Variants in CENPP observed in about 807,000 individuals in gnomAD.
The protein encoded by CENPP is centromere protein P.
CENPP carries 24 observed loss-of-function variants against 35.6 expected under a neutral mutation model. That is an observed-to-expected ratio of 0.67 (90% CI 0.49 to 0.95). The LOEUF (loss-of-function observed/expected upper bound fraction) is 0.95. Among genes scored for constraint, CENPP ranks in the 40% least tolerant of loss-of-function variants. CENPP has a pLI of 0.00. For synonymous variants in CENPP, 120 were observed against 125.5 expected (o/e 0.96, Z 0.29); for missense variants, 332 against 345.3 (o/e 0.96, Z 0.31).
At chr9:92,549,656 AAAC>A (rs1446150353) in intron 5 of CENPP, among the ~76,000 whole-genome samples, 1 of 144,298 alleles carries the variant, frequency 6.9e-6, no homozygotes, top group Non-Finnish European at 1.5e-5. Context: ...CAAAAAAAAA[AAAC>A]AAAACAAAAC....
At chr9:92,493,752 C>T (rs978272943) in intron 5 of CENPP, 1 of 169,942 alleles carries the variant, frequency 5.9e-6, no homozygotes, top group Non-Finnish European at 1.3e-5. Flanking sequence ...GAACAAGTTC[C>T]ATGCTAGCCA....
At chr9:92,400,119 C>G (rs535101307) in intron 5 of CENPP, among the ~76,000 whole-genome samples, 6 of 152,156 alleles carry the variant, frequency 3.9e-5, no homozygotes, top group Middle Eastern at 3.4e-3. Context: ...GTCATTCCAT[C>G]CAAGAACAAG....
chr9:92,615,940 G>C lies in CENPP; in HGVS notation c.*2791G>C. The C allele has an allele frequency of 6.2e-7, 1 of 1,614,136 alleles. No homozygotes were observed. Among genetic ancestry groups the C allele is most frequent in the Non-Finnish European group, 8.5e-7 (1 of 1,179,982 alleles). On this transcript the variant is annotated 3_prime_UTR_variant, in exon 8 of 8. Transcript: ENST00000375587. ...TCTTTGAATAATAGTTGACGATCTT[G>C]CCGTCCAGTTTATACTGATGGGGAA...
At chr9:92,567,374 A>ATATATATATATC (rs1850004795) in intron 5 of CENPP, among the ~76,000 whole-genome samples, 3 of 22,150 alleles carry the variant, frequency 1.4e-4, no homozygotes, top group Non-Finnish European at 2.9e-4. Context: ...CATAAGATAG[A>ATATATATATATC]TATATATATA....
chr9:92,382,690 T>G (rs1188330867), intron 5 of CENPP, among the ~76,000 whole-genome samples: 2 of 152,074 alleles, frequency 1.3e-5, no homozygotes, highest in African/African-American at 4.8e-5. Context: ...TTACATAAGG[T>G]AGGTGTCCAA....
intron 5 of CENPP, among the ~76,000 whole-genome samples, chr9:92,562,547 T>C (rs1459662378): frequency 1.3e-5 from 2 of 152,084 alleles, no homozygotes; most frequent in Non-Finnish European, 2.9e-5. Flanking sequence ...AGAGATTTCA[T>C]AGGTTGTTTC....
intron 5 of CENPP, among the ~76,000 whole-genome samples, chr9:92,597,065 C>G (rs531820983): frequency 6.6e-6 from 1 of 152,186 alleles, no homozygotes; most frequent in East Asian, 1.9e-4. Context: ...TATACTGCAA[C>G]TATATTTGAG....
intron 5 of CENPP, among the ~76,000 whole-genome samples, chr9:92,587,750 G>T (rs1850574921): frequency 6.6e-6 from 1 of 152,212 alleles, no homozygotes; most frequent in African/African-American, 2.4e-5. Context: ...ATTTTGAAAT[G>T]ATCAGAATGT....
intron 5 of CENPP, chr9:92,390,135 C>T: frequency 1.2e-6 from 1 of 805,128 alleles, no homozygotes; most frequent in Non-Finnish European, 2.0e-6. Context: ...ATTTGTTTAA[C>T]AGATCACTCA....
intron 5 of CENPP, among the ~76,000 whole-genome samples, chr9:92,531,478 A>C (rs1848746358): frequency 1.3e-5 from 2 of 152,124 alleles, no homozygotes; most frequent in Admixed American, 6.6e-5. Flanking sequence ...TATTTTGTCA[A>C]AGTTTATTTA....
chr9:92,467,115 A>C (rs942198046), intron 5 of CENPP, among the ~76,000 whole-genome samples: 15 of 152,206 alleles, frequency 9.9e-5, no homozygotes, highest in African/African-American at 3.6e-4. Flanking sequence ...GGGATATAGT[A>C]ATGGATCCTG....
intron 5 of CENPP, chr9:92,515,336 C>T: frequency 8.3e-7 from 1 of 1,204,284 alleles, no homozygotes; most frequent in South Asian, 3.3e-5. Context: ...ATGAAATGCA[C>T]CTTGAAATTC....
chr9:92,539,746 C>G (rs1849274134), intron 5 of CENPP, among the ~76,000 whole-genome samples: 1 of 152,152 alleles, frequency 6.6e-6, no homozygotes, highest in Admixed American at 6.5e-5. Context: ...TAAAGTGTTA[C>G]AGTTGCTTCA....
At chr9:92,457,284 A>G (rs770166448) in intron 5 of CENPP, 6 of 1,612,512 alleles carry the variant, frequency 3.7e-6, no homozygotes, top group Non-Finnish European at 5.1e-6. Flanking sequence ...CCAATTACTA[A>G]TTATTACATT....
At chr9:92,508,709 A>G (rs1019743345) in intron 5 of CENPP, among the ~76,000 whole-genome samples, 6 of 152,196 alleles carry the variant, frequency 3.9e-5, no homozygotes, top group African/African-American at 9.6e-5. Context: ...GAGTATTTCC[A>G]TAACTAATCC....
intron 5 of CENPP, chr9:92,389,846 ATACT>A (rs1564292520): frequency 1.9e-6 from 3 of 1,578,128 alleles, no homozygotes; most frequent in African/African-American, 1.3e-5. Context: ...TTACTATAAA[ATACT>A]TACTTTGAAT....
chr9:92,460,598 C>A lies in CENPP; in HGVS notation c.564+80739C>A. 3.8e-6 allele frequency: 5 copies of A among 1,319,480 alleles called. No individual in the cohort carries two copies. In the South Asian group the frequency reaches 6.1e-5, roughly 16 times the overall value. The allele number at this position is 1,319,480 out of a possible 1,614,324, so 81.7% of individuals were successfully genotyped here. On this transcript the variant is annotated intron_variant, in intron 5 of 7. Coordinates refer to ENST00000375587, the MANE Select transcript of CENPP (RefSeq NM_001012267.3). ...AAGAAGAGAAATATATATGTTAAGT[C>A]AAGTATCACTAAGCCCAATTGACTA...
intron 5 of CENPP, among the ~76,000 whole-genome samples, chr9:92,545,182 G>C (rs1313771382): frequency 6.6e-6 from 1 of 152,196 alleles, no homozygotes; most frequent in East Asian, 1.9e-4. Flanking sequence ...TGTGCTGTGG[G>C]AGCTCCTTCC....
chr9:92,429,647 C>T (rs1025102638), intron 5 of CENPP, among the ~76,000 whole-genome samples: 9 of 151,912 alleles, frequency 5.9e-5, no homozygotes, highest in African/African-American at 1.7e-4. Flanking sequence ...ATTAGCCGAG[C>T]GTGGTGGTAG....
Sources: allele counts gnomAD v4.1 joint callset (sites outside exome capture counted in the v4.1 genomes callset), GRCh38; gene constraint gnomAD v4.1.1; transcripts MANE v1.5; gene names NCBI Gene and HGNC (gene_info 2026-07-23, HGNC 2026-07-21).